Variants in FAM171A1 observed in about 807,000 individuals in gnomAD.
FAM171A1 encodes the protein family with sequence similarity 171 member A1.
FAM171A1 carries 23 observed loss-of-function variants against 74.9 expected under a neutral mutation model. The observed-to-expected ratio is 0.31, with a 90% CI of 0.22 to 0.44. The LOEUF (loss-of-function observed/expected upper bound fraction) is 0.44, where lower values mean the gene tolerates loss of function less well. Among genes scored for constraint, FAM171A1 ranks in the 20% least tolerant of loss-of-function variants. The pLI is 1.00. For synonymous variants in FAM171A1, 527 were observed against 505.7 expected (o/e 1.04, Z -0.57); for missense variants, 1,162 against 1,159.2 (o/e 1.00, Z -0.03).
At chr10:15,314,659 C>T (rs1440962194) in intron 1 of FAM171A1, among the ~76,000 whole-genome samples, 8 of 152,214 alleles carry the variant, frequency 5.3e-5, no homozygotes, top group South Asian at 2.1e-4. Flanking sequence ...CCTATTATTT[C>T]GGGGGAAAGA....
In FAM171A1 at chr10:15,212,280, AG is replaced by A. The variant is rs1280035136; in HGVS notation, c.*634del. The A allele has an allele frequency of 2.6e-5, 4 of 153,442 alleles. No individual in the cohort carries two copies. In the East Asian group the frequency reaches 7.7e-4, roughly 29 times the overall value. 9.5% of individuals were successfully genotyped at this position (153,442 alleles called of 1,614,324 possible). On this transcript the variant is annotated 3_prime_UTR_variant, in exon 8 of 8. Coordinates refer to ENST00000378116, the MANE Select transcript of FAM171A1 (RefSeq NM_001010924.2). ...AGAGAGGACACTCAGCGGTTCCTGA[AG>A]GGAGACGCTGAGATGGACCGCTGAG... is the stretch of plus-strand genomic sequence containing the variant.
chr10:15,262,990 G>A (rs938309829), intron 3 of FAM171A1, among the ~76,000 whole-genome samples: 2 of 152,182 alleles, frequency 1.3e-5, no homozygotes, highest in Non-Finnish European at 2.9e-5. Flanking sequence ...CGGCATGCAG[G>A]TGGGGCGAGG....
chr10:15,244,672 A>C (rs559718400), intron 5 of FAM171A1, among the ~76,000 whole-genome samples: 3 of 152,174 alleles, frequency 2.0e-5, no homozygotes, highest in African/African-American at 7.2e-5. Context: ...ATAGGGAGTA[A>C]CTGGTACCCA....
intron 1 of FAM171A1, among the ~76,000 whole-genome samples, chr10:15,332,025 C>T (rs1437080601): frequency 1.3e-5 from 2 of 151,840 alleles, no homozygotes; most frequent in Non-Finnish European, 2.9e-5. Context: ...TCTTGGCTCA[C>T]TGCAACCTCT....
At chr10:15,373,309 G>GTTCCTAATATATGGCATCAAAA (rs1476165450), upstream of FAM171A1, among the ~76,000 whole-genome samples, 16 of 152,144 alleles carry the variant, frequency 1.1e-4, no homozygotes, top group African/African-American at 3.9e-4. Context: ...TGGCATCAAA[G>GTTCCTAATATATGGCATCAAAA]TTCCTAATAT....
chr10:15,361,657 T>A (rs1471249486), intron 1 of FAM171A1, among the ~76,000 whole-genome samples: 1 of 152,152 alleles, frequency 6.6e-6, no homozygotes, highest in Non-Finnish European at 1.5e-5. Context: ...CACTCCAGCC[T>A]GGGTGACAGA....
chr10:15,279,591 C>T lies in FAM171A1; in HGVS notation c.326-3644G>A, dbSNP rs184025740. ...CAGGAAAGGCAGGAAGATTTTTTGA[C>T]GCAGAAAACAGTCCAGCTGGGCTTT... On this transcript the variant is annotated intron_variant, in intron 2 of 7. Coordinates refer to ENST00000378116, the MANE Select transcript of FAM171A1 (RefSeq NM_001010924.2). Among the ~76,000 whole-genome samples the T allele has an allele frequency of 4.6e-5, 7 of 151,970 alleles. No individual in the cohort carries two copies. The East Asian group carries it at 7.7e-4, about 17-fold the overall frequency.
intron 3 of FAM171A1, among the ~76,000 whole-genome samples, chr10:15,263,729 A>ATCTG (rs879925512): frequency 0.066 from 8,966 of 136,446 alleles, 270 homozygotes; most frequent in Admixed American, 0.087. Context: ...CAATCTATCT[A>ATCTG]TCTATCTGTC....
At chr10:15,238,160 T>C (rs1400130980) in intron 5 of FAM171A1, among the ~76,000 whole-genome samples, 1 of 152,216 alleles carries the variant, frequency 6.6e-6, no homozygotes, top group Non-Finnish European at 1.5e-5. Flanking sequence ...ATCCCTATAA[T>C]CCAATCACCC....
At chr10:15,285,049 A>T (rs142865747) in intron 1 of FAM171A1, among the ~76,000 whole-genome samples, 1 of 152,354 alleles carries the variant, frequency 6.6e-6, no homozygotes, top group African/African-American at 2.4e-5. Flanking sequence ...TAAAAAATTA[A>T]AATAGAATGG....
chr10:15,365,907 T>C (rs1836055583), intron 1 of FAM171A1, among the ~76,000 whole-genome samples: 1 of 152,212 alleles, frequency 6.6e-6, no homozygotes, highest in Non-Finnish European at 1.5e-5. Flanking sequence ...GGAGTCATCT[T>C]ACATATGCTG....
intron 4 of FAM171A1, among the ~76,000 whole-genome samples, chr10:15,252,654 C>T (rs1223563886): frequency 2.0e-5 from 3 of 152,188 alleles, no homozygotes; most frequent in South Asian, 4.1e-4. Flanking sequence ...TGGGTGGATG[C>T]CTTCGCTGCT....
intron 1 of FAM171A1, among the ~76,000 whole-genome samples, chr10:15,291,924 T>A (rs960898172): frequency 1.3e-5 from 2 of 152,276 alleles, no homozygotes; most frequent in African/African-American, 2.4e-5. Flanking sequence ...CACTCTTTTT[T>A]AAAAATTTTC....
At chr10:15,270,710 C>G (rs536358735) in intron 3 of FAM171A1, among the ~76,000 whole-genome samples, 13 of 152,320 alleles carry the variant, frequency 8.5e-5, no homozygotes, top group African/African-American at 3.1e-4. Flanking sequence ...GCAACATTTG[C>G]TGTTCTGCAA....
chr10:15,284,202 G>T, intron 1 of FAM171A1, 97 bp from the exon 2 acceptor site: 2 of 1,094,132 alleles, frequency 1.8e-6, no homozygotes, highest in Non-Finnish European at 2.7e-6. Flanking sequence ...GGAGGGCTCT[G>T]TAAGGACATC....
At chr10:15,370,064 CAG>C (rs1208355782) in intron 1 of FAM171A1, among the ~76,000 whole-genome samples, 9 of 151,144 alleles carry the variant, frequency 6.0e-5, no homozygotes, top group African/African-American at 2.2e-4. Flanking sequence ...AAGCAAGCCT[CAG>C]GGTGGGTGTG....
intron 4 of FAM171A1, among the ~76,000 whole-genome samples, chr10:15,249,444 C>A (rs1431418238): frequency 4.6e-5 from 7 of 152,130 alleles, no homozygotes; most frequent in African/African-American, 1.4e-4. Flanking sequence ...CAAAAACGAT[C>A]TCAAAAGAGA....
intron 1 of FAM171A1, among the ~76,000 whole-genome samples, chr10:15,301,923 A>C (rs948269765): frequency 2.6e-5 from 4 of 152,208 alleles, no homozygotes. Context: ...GAAGACATTT[A>C]GGCAGGAAAG....
At chr10:15,351,915 C>T (rs953112010) in intron 1 of FAM171A1, among the ~76,000 whole-genome samples, 8 of 151,800 alleles carry the variant, frequency 5.3e-5, no homozygotes, top group African/African-American at 1.2e-4. Context: ...TGGCCAGGTG[C>T]GGTGGCTCAT....
Sources: gnomAD v4.1 joint callset for allele counts (sites outside exome capture counted in the v4.1 genomes callset) on GRCh38, gnomAD v4.1.1 for gene constraint, MANE v1.5 for transcripts, NCBI Gene and HGNC (gene_info 2026-07-23, HGNC 2026-07-21) for gene names.